STPG2: variants seen among roughly 807,000 people sequenced by gnomAD.
STPG2 encodes the protein sperm tail PG-rich repeat containing 2.
A neutral mutation model predicts 54.2 loss-of-function variants in STPG2; 56 were observed. The ratio of observed to expected loss-of-function variants is 1.03; its 90% CI spans 0.83 to 1.29. STPG2 has a LOEUF of 1.29. Among genes scored for constraint, STPG2 ranks in the 50% most tolerant of loss-of-function variants. STPG2 has a pLI of 0.00. For synonymous variants in STPG2, 200 were observed against 181.8 expected (o/e 1.10, Z -0.81); for missense variants, 596 against 544.9 (o/e 1.09, Z -0.93).
intron 6 of STPG2, among the ~76,000 whole-genome samples, chr4:97,977,246 CTT>C (rs1734529567): frequency 1.3e-5 from 2 of 152,136 alleles, no homozygotes; most frequent in Non-Finnish European, 2.9e-5. Context: ...TAAATGCACT[CTT>C]TTAAATTGGA....
chr4:97,983,086 C>A (rs915625365), intron 5 of STPG2, among the ~76,000 whole-genome samples: 1 of 152,174 alleles, frequency 6.6e-6, no homozygotes, highest in Non-Finnish European at 1.5e-5. Context: ...TCCACTTATA[C>A]ACAAATTTTC....
intron 2 of STPG2, 59 bp from the exon 3 acceptor site, chr4:98,128,651 C>A: frequency 4.4e-6 from 6 of 1,352,034 alleles, no homozygotes; most frequent in South Asian, 1.7e-5. Flanking sequence ...GAATGAAGAA[C>A]CAAATATTAA....
chr4:97,540,655 G>T (rs1177783190), intron 4 of STPG2, among the ~76,000 whole-genome samples: 1 of 152,086 alleles, frequency 6.6e-6, no homozygotes, highest in East Asian at 1.9e-4. Flanking sequence ...AAGCCTGGCA[G>T]AGACACAACA....
rs1736179761 is a variant in STPG2 at position 98,021,276 on chromosome 4, A to G, written c.613-39958T>C. On this transcript the variant is annotated intron_variant, in intron 5 of 10. Coordinates refer to ENST00000295268, the MANE Select transcript of STPG2 (RefSeq NM_174952.3). ...CATTTCTGCCTTCATTTTGTTATTT[A>G]CCCAGTAGTCATTCAGGAGCAGGTT... Among the ~76,000 whole-genome samples, 2 of 123,260 alleles carry G rather than the reference A, an allele frequency of 1.6e-5. 1 individual carries two copies. The highest frequency in any genetic ancestry group is 5.6e-4 in the South Asian group (2 of 3,590). The allele number at this position is 123,260 out of a possible 152,430, so 80.9% of individuals were successfully genotyped here.
intron 9 of STPG2, among the ~76,000 whole-genome samples, chr4:97,744,586 G>GT (rs1315186376): frequency 1.3e-5 from 2 of 151,246 alleles, no homozygotes; most frequent in Non-Finnish European, 3.0e-5. Context: ...AAGACCCCCA[G>GT]TGGATGCCTG....
At chr4:97,860,348 C>T (rs1729479854) in intron 8 of STPG2, among the ~76,000 whole-genome samples, 1 of 152,050 alleles carries the variant, frequency 6.6e-6, no homozygotes, top group South Asian at 2.1e-4. Context: ...ATTGATTCCA[C>T]TCATCCATGA....
At position 97,798,531 on chromosome 4, in the gene STPG2, C is replaced by A. The variant is rs1727279898; in HGVS notation, c.1204+42242G>T. ...TTAATCCTGAGTTCTAGTTTGATTG[C>A]ACTGTGGTCTGAGAGACAGTTTGTT... On this transcript the variant is annotated intron_variant, in intron 9 of 10. Coordinates refer to ENST00000295268, the MANE Select transcript of STPG2 (RefSeq NM_174952.3). 2.0e-5 allele frequency among the ~76,000 whole-genome samples: 3 copies of A among 152,026 alleles called. No homozygotes were observed. In the South Asian group the frequency reaches 6.3e-4, roughly 32 times the overall value.
intron 5 of STPG2, among the ~76,000 whole-genome samples, chr4:98,050,484 A>T (rs554241466): frequency 6.6e-6 from 1 of 152,186 alleles, no homozygotes; most frequent in African/African-American, 2.4e-5. Context: ...TCTCTTCCTG[A>T]ATCCTTGCTT....
At chr4:97,461,188 A>G (rs1366478097) in intron 4 of STPG2, among the ~76,000 whole-genome samples, 1 of 152,212 alleles carries the variant, frequency 6.6e-6, no homozygotes, top group Non-Finnish European at 1.5e-5. Flanking sequence ...GAATCTACCA[A>G]GTAAAGCATA....
chr4:97,922,802 G>T (rs1343967226), intron 8 of STPG2, among the ~76,000 whole-genome samples: 1 of 152,018 alleles, frequency 6.6e-6, no homozygotes. Context: ...TCCCATAATT[G>T]CAATTTTCCA....
chr4:97,448,650 A>G (rs1729287466), intron 4 of STPG2, among the ~76,000 whole-genome samples: 1 of 152,166 alleles, frequency 6.6e-6, no homozygotes, highest in South Asian at 2.1e-4. Flanking sequence ...CAGTCATGTG[A>G]AACTGAGTCA....
At chr4:97,680,007 C>T (rs1722980974) in intron 10 of STPG2, among the ~76,000 whole-genome samples, 1 of 152,032 alleles carries the variant, frequency 6.6e-6, no homozygotes, top group South Asian at 2.1e-4. Context: ...GGTACCAGTG[C>T]CATGCTGTTT....
intron 5 of STPG2, among the ~76,000 whole-genome samples, chr4:98,082,989 T>A (rs754993897): frequency 6.6e-6 from 1 of 152,176 alleles, no homozygotes; most frequent in Non-Finnish European, 1.5e-5. Flanking sequence ...GCCCTTATAG[T>A]ATAAATAGCA....
rs1402300930 is a variant in STPG2 at position 98,140,188 on chromosome 4, C to T, written c.109+2854G>A. 2.0e-5 allele frequency among the ~76,000 whole-genome samples: 3 copies of T among 152,162 alleles called. No individual in the cohort carries two copies. In the East Asian group the frequency reaches 5.8e-4, roughly 29 times the overall value. ...AAATGTATCAGCAGATACAGAGGCA[C>T]AGAGGTGAGTGAGCATGAACTTAGG... On this transcript the variant is annotated intron_variant, in intron 1 of 10. Transcript: ENST00000295268.
At chr4:97,961,950 A>G (rs1203903570) in intron 7 of STPG2, among the ~76,000 whole-genome samples, 1 of 152,198 alleles carries the variant, frequency 6.6e-6, no homozygotes, top group African/African-American at 2.4e-5. Context: ...AAAATGTGGA[A>G]CCAACCCAAA....
intron 10 of STPG2, among the ~76,000 whole-genome samples, chr4:97,668,143 T>G (rs1008185444): frequency 2.6e-5 from 4 of 152,098 alleles, no homozygotes; most frequent in Non-Finnish European, 5.9e-5. Flanking sequence ...TAATGAGTAT[T>G]TAAGGACTGC....
intron 10 of STPG2, among the ~76,000 whole-genome samples, chr4:97,639,401 G>A (rs976656105): frequency 2.6e-5 from 4 of 151,874 alleles, no homozygotes; most frequent in Admixed American, 6.6e-5. Context: ...GCTAGGTGAC[G>A]AGTTAGTGGG....
intron 4 of STPG2, among the ~76,000 whole-genome samples, chr4:97,515,463 A>C (rs936495192): frequency 2.6e-5 from 4 of 152,114 alleles, no homozygotes; most frequent in African/African-American, 9.7e-5. Flanking sequence ...AAAGCAGAAA[A>C]GGGAATTGAA....
chr4:98,143,308 C>T lies in STPG2; in HGVS notation c.-158G>A, dbSNP rs1049383445. 2 of 595,868 alleles carry T rather than the reference C, an allele frequency of 3.4e-6. No individual in the cohort carries two copies. The highest frequency in any genetic ancestry group is 2.8e-5 in the East Asian group (1 of 35,670). The allele number at this position is 595,868 out of a possible 1,614,324, so 36.9% of individuals were successfully genotyped here. On this transcript the variant is annotated 5_prime_UTR_variant, in exon 1 of 11. Transcript: ENST00000295268. The stretch of plus-strand genomic sequence containing the variant: ...GAAATTAGGGGTGGGGTTGTCTCCC[C>T]GCCCGCTCATTGATACCAGATTTCC...
Sources: gnomAD v4.1 joint callset for allele counts (sites outside exome capture counted in the v4.1 genomes callset) on GRCh38, gnomAD v4.1.1 for gene constraint, MANE v1.5 for transcripts, NCBI Gene and HGNC (gene_info 2026-07-23, HGNC 2026-07-21) for gene names.